The following WWP1 variants were observed in gnomAD, a reference collection of about 807,000 sequenced individuals.
WWP1 encodes the protein NEDD4-like E3 ubiquitin-protein ligase WWP1.
WWP1 carries 49 observed loss-of-function variants against 130.6 expected under a neutral mutation model. The observed-to-expected ratio is 0.38, with a 90% CI of 0.30 to 0.48. WWP1 has a LOEUF of 0.48. WWP1 is among the 20% of genes least tolerant of loss of function. The pLI, the probability that WWP1 is intolerant of heterozygous loss-of-function variation, is 0.99. For synonymous variants in WWP1, 332 were observed against 367.8 expected (o/e 0.90, Z 1.11); for missense variants, 809 against 1,100.6 (o/e 0.74, Z 3.75).
At chr8:86,398,232 C>A in intron 5 of WWP1, 110 bp from the exon 6 acceptor site, 2 of 1,259,956 alleles carry the variant, frequency 1.6e-6, no homozygotes, top group South Asian at 1.8e-5. Context: ...CAAAGAATTC[C>A]TTCCAAATGT....
At chr8:86,351,512 T>G (rs1822917137) in intron 1 of WWP1, among the ~76,000 whole-genome samples, 1 of 151,900 alleles carries the variant, frequency 6.6e-6, no homozygotes, top group African/African-American at 2.4e-5. Flanking sequence ...CTAGTTTTTT[T>G]TTTTTTTTAG....
rs1823912610 is a variant in WWP1, at chr8:86,365,357, T to C, written c.-114-3582T>C. 2.0e-5 allele frequency among the ~76,000 whole-genome samples: 3 copies of C among 152,158 alleles called. No homozygotes were observed. The South Asian group carries it at 6.2e-4, about 32-fold the overall frequency. Reference sequence around the variant, plus strand: ...GATGGAGGGAAGATAGTCGAAGTTATTAGATTCTGTGGTTAGATAGGCATT... The same window carrying C: ...GATGGAGGGAAGATAGTCGAAGTTACTAGATTCTGTGGTTAGATAGGCATT... On this transcript the variant is annotated intron_variant, in intron 1 of 24. Coordinates refer to ENST00000517970, the MANE Select transcript of WWP1 (RefSeq NM_007013.4).
Position 86,467,173 on chromosome 8 carries a change from T to A in WWP1, c.*280T>A. The A allele has an allele frequency of 4.5e-6, 1 of 222,206 alleles. No individual in the cohort carries two copies. The highest frequency in any genetic ancestry group is 8.7e-6 in the Non-Finnish European group (1 of 114,476). The allele number at this position is 222,206 out of a possible 1,614,324, so 13.8% of individuals were successfully genotyped here. A position where few individuals can be genotyped will look rare whatever the true frequency, so the allele number is the denominator to read the frequency against. Reference sequence around the variant, plus strand: ...ACATATATATCTATATAAACATATATGATAGTGGCTCTAGTTTTATAGAGC... The same window carrying A: ...ACATATATATCTATATAAACATATAAGATAGTGGCTCTAGTTTTATAGAGC... On this transcript the variant is annotated 3_prime_UTR_variant, in exon 25 of 25. Transcript: ENST00000517970.
chr8:86,415,035 C>G (rs1023996574), intron 9 of WWP1, among the ~76,000 whole-genome samples: 1 of 151,896 alleles, frequency 6.6e-6, no homozygotes, highest in Non-Finnish European at 1.5e-5. Flanking sequence ...ATATATGTAC[C>G]TCATGCCGTA....
intron 5 of WWP1, among the ~76,000 whole-genome samples, chr8:86,383,141 T>C (rs1417497845): frequency 6.6e-6 from 1 of 151,630 alleles, no homozygotes; most frequent in Non-Finnish European, 1.5e-5. Flanking sequence ...TTTTTCTTTT[T>C]CTTAAAGCAT....
At chr8:86,380,297 T>C (rs1824910052) in intron 3 of WWP1, among the ~76,000 whole-genome samples, 1 of 151,874 alleles carries the variant, frequency 6.6e-6, no homozygotes, top group Non-Finnish European at 1.5e-5. Flanking sequence ...ATGTCCAGAA[T>C]AGGCAAATTT....
intron 17 of WWP1, among the ~76,000 whole-genome samples, chr8:86,441,867 T>C (rs1223852180): frequency 6.6e-6 from 1 of 152,200 alleles, no homozygotes; most frequent in Non-Finnish European, 1.5e-5. Context: ...AACCCTTCTT[T>C]AGAAGAAATT....
intron 12 of WWP1, among the ~76,000 whole-genome samples, chr8:86,431,183 C>A (rs1809951033): frequency 1.5e-5 from 2 of 136,458 alleles, no homozygotes; most frequent in Non-Finnish European, 1.5e-5. Flanking sequence ...ACATAATTAT[C>A]TATAATATAA....
chr8:86,430,646 A>G, intron 11 of WWP1, 51 bp from the exon 12 acceptor site: 2 of 1,444,904 alleles, frequency 1.4e-6, no homozygotes, highest in Non-Finnish European at 1.9e-6. Context: ...TTCTACTTTC[A>G]TATTAAAACA....
chr8:86,345,351 G>C (rs968599953), intron 1 of WWP1, among the ~76,000 whole-genome samples: 2 of 152,040 alleles, frequency 1.3e-5, no homozygotes, highest in Non-Finnish European at 2.9e-5. Context: ...ATAATTTTAG[G>C]GGAGTCCATG....
chr8:86,412,583 A>T (rs553984388), intron 9 of WWP1, among the ~76,000 whole-genome samples: 2 of 152,178 alleles, frequency 1.3e-5, no homozygotes, highest in Non-Finnish European at 1.5e-5. Flanking sequence ...GTGCTTTCCA[A>T]CACAGTTTAC....
intron 22 of WWP1, 111 bp from the exon 23 acceptor site, chr8:86,461,113 G>A (rs1811747273): frequency 9.8e-7 from 1 of 1,019,498 alleles, no homozygotes; most frequent in Non-Finnish European, 1.5e-6. Context: ...CCAACCTTTA[G>A]CACATCTTTT....
intron 5 of WWP1, among the ~76,000 whole-genome samples, chr8:86,385,362 AG>A (rs1825219811): frequency 6.6e-6 from 1 of 152,198 alleles, no homozygotes; most frequent in African/African-American, 2.4e-5. Context: ...CTGAGAGGAA[AG>A]AAAGTAGGCT....
At chr8:86,427,399 A>T (rs28680173) in intron 10 of WWP1, among the ~76,000 whole-genome samples, 22,359 of 146,612 alleles carry the variant, frequency 0.15, 1,789 homozygotes, top group Non-Finnish European at 0.19. Flanking sequence ...AAGTAAAATT[A>T]AAAAAAAAAG....
At chr8:86,419,597 A>G (rs1420565990) in intron 9 of WWP1, among the ~76,000 whole-genome samples, 1 of 152,244 alleles carries the variant, frequency 6.6e-6, no homozygotes, top group African/African-American at 2.4e-5. Flanking sequence ...CCAGACAGTA[A>G]CACATAAGGA....
In WWP1 at chr8:86,457,960, T is replaced by G. The variant is rs759699894; in HGVS notation, c.2434T>G (p.Trp812Gly). The G allele has an allele frequency of 6.2e-7, 1 of 1,613,200 alleles. No homozygotes were observed. Among genetic ancestry groups the G allele is most frequent in the Non-Finnish European group, 8.5e-7 (1 of 1,179,300 alleles). The change falls in exon 22 of 25, where the codon TGG becomes GGG. Residue 812 changes from tryptophan to glycine, a missense_variant. Around this residue, in one of 3 missense-constraint regions of WWP1, gnomAD observed 450 missense variants for 674.2 expected, o/e 0.67. Coordinates refer to ENST00000517970, the MANE Select transcript of WWP1 (RefSeq NM_007013.4). ...CGMQEVDLAD[W>G]QRNTVYRHYT... ...CATGCAGGAGGTTGACTTGGCAGATTGGCAGAGAAATACTGTTTATCGACA... is the reference window on the plus strand; with the variant it reads ...CATGCAGGAGGTTGACTTGGCAGATGGGCAGAGAAATACTGTTTATCGACA...
Position 86,442,791 on chromosome 8 carries a change from C to A in WWP1, c.1998+13C>A. The A allele has an allele frequency of 6.4e-7, 1 of 1,570,062 alleles. No individual in the cohort carries two copies. The highest frequency in any genetic ancestry group is 8.6e-7 in the Non-Finnish European group (1 of 1,165,380). On this transcript the variant is annotated intron_variant, in intron 18 of 24. Transcript: ENST00000517970. ...TTTTATTGCCATGGTGAGTTCCTGA[C>A]TTTATTATTATTTATTTAAGTTTGT...
chr8:86,400,477 A>G (rs1369640179), intron 7 of WWP1, among the ~76,000 whole-genome samples: 2 of 152,196 alleles, frequency 1.3e-5, no homozygotes, highest in African/African-American at 2.4e-5. Flanking sequence ...AAGAGATGCC[A>G]AGGAATCATC....
At position 86,411,773 on chromosome 8, in the gene WWP1, T is replaced by C. The variant is rs769395445; in HGVS notation, c.960T>C (p.Ser320=). Residue 320 remains serine (S), a synonymous_variant, in exon 9 of 25, where the codon AGT becomes AGC. Coordinates refer to ENST00000517970, the MANE Select transcript of WWP1 (RefSeq NM_007013.4). ...AGCCTGACACCTCTAATTCTAGAAG[T>C]AGTTCTGCTTTTGAAGCAGCCAAAT... ...ILEPDTSNSR[S]SSAFEAAKSR... 7.4e-6 allele frequency: 12 copies of C among 1,614,178 alleles called. No homozygotes were observed. The South Asian group carries it at 8.8e-5, about 12-fold the overall frequency.
Sources: gnomAD v4.1 joint callset for allele counts (sites outside exome capture counted in the v4.1 genomes callset) on GRCh38, gnomAD v4.1.1 for gene constraint, gnomAD v4.1.1 regional missense constraint, MANE v1.5 for transcripts, NCBI Gene and HGNC (gene_info 2026-07-23, HGNC 2026-07-21) for gene names.